The following EIF2AK2 variants were observed in gnomAD, a reference collection of about 807,000 sequenced individuals.
The protein encoded by EIF2AK2 is interferon-induced, double-stranded RNA-activated protein kinase.
In EIF2AK2, 40 loss-of-function variants were observed where a neutral mutation model predicts 70.5. The ratio of observed to expected loss-of-function variants is 0.57; its 90% confidence interval spans 0.44 to 0.74. EIF2AK2 has a LOEUF of 0.74. Among genes scored for constraint, EIF2AK2 ranks in the 30% least tolerant of loss-of-function variants. The pLI is 0.00. For missense variants in EIF2AK2, 555 were observed against 644.3 expected (o/e 0.86, Z 1.50); for synonymous variants, 198 against 220.9 (o/e 0.90, Z 0.92).
intron 11 of EIF2AK2, among the ~76,000 whole-genome samples, chr2:37,122,865 C>G (rs1423253320): frequency 6.6e-6 from 1 of 152,120 alleles, no homozygotes; most frequent in Non-Finnish European, 1.5e-5. Context: ...TTCTCACTCT[C>G]AAGATAAAAT....
chr2:37,137,342 G>T (rs1675163729), intron 8 of EIF2AK2, among the ~76,000 whole-genome samples: 1 of 152,104 alleles, frequency 6.6e-6, no homozygotes, highest in Non-Finnish European at 1.5e-5. Context: ...CTACTGAGCT[G>T]CTTGCCATTT....
Position 37,154,846 on chromosome 2 carries a change from G to C in EIF2AK2, c.-184+2062C>G, listed in dbSNP as rs1573047723. 2.0e-5 allele frequency among the ~76,000 whole-genome samples: 3 copies of C among 152,090 alleles called. No individual in the cohort carries two copies. The East Asian group carries it at 5.8e-4, about 29-fold the overall frequency. On this transcript the variant is annotated intron_variant, in intron 1 of 16. Coordinates refer to ENST00000233057, the MANE Select transcript of EIF2AK2 (RefSeq NM_001135651.3). ...CAAAGTGCTGCGATTACAGGCATGA[G>C]CCATGGCACCTGGGCCTGGTTTTCT...
Position 37,135,524 on chromosome 2 carries a change from G to T in EIF2AK2, c.745C>A (p.Leu249Ile). Residue 249 changes from leucine (L) to isoleucine (I), a missense_variant, in exon 10 of 17, where the codon CTT becomes ATT. Transcript: ENST00000233057. ...TACTTTGTTTCTTTCATGTCAGGAA[G>T]GTCAAATCTGGGTGCCAAAGATCTA... ...AKRSLAPRFD[L>I]PDMKETKYTV... is the part of the protein sequence containing the mutation. The T allele has an allele frequency of 6.2e-7, 1 of 1,609,750 alleles. No individual in the cohort carries two copies. Among genetic ancestry groups the T allele is most frequent in the Non-Finnish European group, 8.5e-7 (1 of 1,178,136 alleles).
intron 10 of EIF2AK2, 134 bp from the exon 11 acceptor site, chr2:37,126,545 G>A: frequency 7.5e-7 from 1 of 1,341,472 alleles, no homozygotes; most frequent in Non-Finnish European, 9.9e-7. Flanking sequence ...TTCTGAATAA[G>A]AAAGATCCAC....
chr2:37,147,797 C>G lies in EIF2AK2; in HGVS notation c.10G>C (p.Asp4His). 6.2e-7 allele frequency: 1 copy of G among 1,612,066 alleles called. No homozygotes were observed. Among genetic ancestry groups the G allele is most frequent in the Non-Finnish European group, 8.5e-7 (1 of 1,178,582 alleles). Residue 4 changes from aspartate to histidine, a missense_variant, in exon 3 of 17, where the codon GAT (aspartate) becomes CAT (histidine). This residue lies in a region of EIF2AK2 where 48 missense variants were observed against 77.1 expected (regional missense o/e 0.62). Coordinates refer to ENST00000233057, the MANE Select transcript of EIF2AK2 (RefSeq NM_001135651.3). MAG[D>H]LSAGFFMEEL... ...TCCATGAAGAAACCTGCTGAAAGAT[C>G]ACCAGCCATTTCTTCTTCCCGTATC...
intron 4 of EIF2AK2, among the ~76,000 whole-genome samples, chr2:37,144,758 T>G (rs939511850): frequency 6.6e-6 from 1 of 152,088 alleles, no homozygotes; most frequent in Non-Finnish European, 1.5e-5. Context: ...TGTTTTGTGT[T>G]TTTAGTACAG....
At chr2:37,130,242 T>C (rs1183202312) in intron 10 of EIF2AK2, among the ~76,000 whole-genome samples, 1 of 152,104 alleles carries the variant, frequency 6.6e-6, no homozygotes, top group East Asian at 1.9e-4. Context: ...GCTGGGACTA[T>C]AGGTGTGTGC....
intron 13 of EIF2AK2, among the ~76,000 whole-genome samples, chr2:37,116,538 G>C (rs1674347751): frequency 6.6e-6 from 1 of 152,194 alleles, no homozygotes; most frequent in Admixed American, 6.5e-5. Flanking sequence ...ACCTAGTAAG[G>C]ACCTAAGAGG....
intron 4 of EIF2AK2, 90 bp downstream of exon 4, chr2:37,146,763 T>G (rs1285229979): frequency 2.0e-6 from 3 of 1,507,576 alleles, no homozygotes; most frequent in Non-Finnish European, 2.7e-6. Context: ...TGTGAATGGC[T>G]TTACTCTGTA....
rs1242634952 is a variant in EIF2AK2 at position 37,102,986 on chromosome 2, A to C, written c.*4287T>G. 6.8e-6 allele frequency: 1 copy of C among 146,000 alleles called. No homozygotes were observed. Among genetic ancestry groups the C allele is most frequent in the African/African-American group, 2.6e-5 (1 of 38,566 alleles). 9.0% of individuals were successfully genotyped at this position (146,000 alleles called of 1,614,324 possible). A position where few individuals can be genotyped will look rare whatever the true frequency, so the allele number is the denominator to read the frequency against. ...GTTTCTAGGGAGGCAATTATATTAA[A>C]ATGGCTCTCAAAATTTCTGTGTGTG... On this transcript the variant is annotated 3_prime_UTR_variant, in exon 17 of 17. Transcript: ENST00000233057.
intron 15 of EIF2AK2, 43 bp from the exon 16 acceptor site, chr2:37,107,570 T>C: frequency 6.3e-7 from 1 of 1,575,974 alleles, no homozygotes; most frequent in Non-Finnish European, 8.6e-7. Flanking sequence ...AATTATTTAC[T>C]TGGGAGGAAA....
rs567410479 is a variant in EIF2AK2, at chr2:37,101,205, C to A, written c.*6068G>T. 2 of 152,198 alleles carry A rather than the reference C, an allele frequency of 1.3e-5. No homozygotes were observed. Among genetic ancestry groups the A allele is most frequent in the Non-Finnish European group, 2.9e-5 (2 of 68,038 alleles). 9.4% of individuals were successfully genotyped at this position (152,198 alleles called of 1,614,324 possible). A position where few individuals can be genotyped will look rare whatever the true frequency, so the allele number is the denominator to read the frequency against. The stretch of plus-strand genomic sequence containing the variant: ...GGCCATACCTTGCTTTAAAGAAATA[C>A]TCATTTGTCAACTGTGGAGGTTGCT... On this transcript the variant is annotated 3_prime_UTR_variant, in exon 17 of 17. Transcript: ENST00000233057.
At position 37,107,068 on chromosome 2, in the gene EIF2AK2, G is replaced by T. The variant is rs1210777621; in HGVS notation, c.*205C>A. The T allele has an allele frequency of 2.9e-5, 16 of 550,726 alleles. No individual in the cohort carries two copies. Among genetic ancestry groups the T allele is most frequent in the Non-Finnish European group, 3.7e-5 (13 of 354,060 alleles). 34.1% of individuals were successfully genotyped at this position (550,726 alleles called of 1,614,324 possible). On this transcript the variant is annotated 3_prime_UTR_variant, in exon 17 of 17. Transcript: ENST00000233057. ...AAAAAAAAAAAAAGAATAAAGAGAT[G>T]AGCCAGGAAAAAGTAAAATGTAAGA...
intron 10 of EIF2AK2, among the ~76,000 whole-genome samples, chr2:37,129,505 G>C (rs989131796): frequency 3.3e-5 from 5 of 152,072 alleles, no homozygotes; most frequent in Non-Finnish European, 7.4e-5. Context: ...AAGACTGAGG[G>C]TACCCGGCAT....
At chr2:37,125,173 C>A (rs936153210) in intron 11 of EIF2AK2, among the ~76,000 whole-genome samples, 29 of 152,118 alleles carry the variant, frequency 1.9e-4, no homozygotes, top group Non-Finnish European at 2.8e-4. Context: ...CCATCACACC[C>A]AGCTAATTTT....
intron 4 of EIF2AK2, among the ~76,000 whole-genome samples, chr2:37,143,387 T>A (rs1221418763): frequency 6.6e-6 from 1 of 152,178 alleles, no homozygotes; most frequent in Non-Finnish European, 1.5e-5. Context: ...TCTGTTCTTA[T>A]TTTCCGGGAT....
At chr2:37,109,514 GT>G in intron 14 of EIF2AK2, 1 of 474,048 alleles carries the variant, frequency 2.1e-6, no homozygotes. Flanking sequence ...AATAATCTCA[GT>G]TATAAAACAA....
intron 11 of EIF2AK2, among the ~76,000 whole-genome samples, chr2:37,125,545 G>C (rs532610496): frequency 6.6e-6 from 1 of 152,314 alleles, no homozygotes; most frequent in South Asian, 2.1e-4. Context: ...CCACCAAGTT[G>C]TAAGAAGCCC....
At chr2:37,112,269 G>T (rs550923062) in intron 14 of EIF2AK2, among the ~76,000 whole-genome samples, 1 of 152,100 alleles carries the variant, frequency 6.6e-6, no homozygotes, top group African/African-American at 2.4e-5. Flanking sequence ...GACTGCTGCC[G>T]ACTTGTCATG....
Sources: allele counts gnomAD v4.1 joint callset (sites outside exome capture counted in the v4.1 genomes callset), GRCh38; gene constraint gnomAD v4.1.1; regional missense constraint gnomAD v4.1.1; transcripts MANE v1.5; gene names NCBI Gene and HGNC (gene_info 2026-07-23, HGNC 2026-07-21).